Variants in PHKG2 observed in about 807,000 individuals in gnomAD.
PHKG2 encodes the protein phosphorylase kinase catalytic subunit gamma 2, also known as phosphorylase b kinase gamma catalytic chain, liver/testis isoform.
PHKG2 carries 28 observed loss-of-function variants against 44.5 expected under a neutral mutation model. The ratio of observed to expected loss-of-function variants is 0.63; its 90% CI spans 0.47 to 0.86. PHKG2 has a LOEUF of 0.86. PHKG2 is among the 40% of genes least tolerant of loss of function. The probability of loss-of-function intolerance (pLI) is 0.00; values close to 1 mark genes in which losing one functional copy is unlikely to be tolerated. For synonymous variants in PHKG2, 220 were observed against 211.2 expected, an observed-to-expected ratio of 1.04 and a Z score of -0.36; for missense variants, 498 against 547.5, an observed-to-expected ratio of 0.91 and a Z score of 0.90.
Position 30,759,185 on chromosome 16 carries a change from ACTCT to A in PHKG2, c.*2091_*2094del. 6.2e-7 allele frequency: 1 copy of A among 1,613,732 alleles called. No homozygotes were observed. The highest frequency in any genetic ancestry group is 8.5e-7 in the Non-Finnish European group (1 of 1,179,906). Reference sequence around the variant, plus strand: ...CCTGGCACTCTCCCTTACCCGTCTCACTCTCTGGCCACAGTTTGGGTGGCTGTAG... The same window carrying A: ...CCTGGCACTCTCCCTTACCCGTCTCACTGGCCACAGTTTGGGTGGCTGTAG... On this transcript the variant is annotated 3_prime_UTR_variant, in exon 10 of 10. Transcript: ENST00000563588.
rs2053378933 is a variant in PHKG2, at chr16:30,753,533, T to A, written c.532T>A (p.Leu178Met). The stretch of plus-strand genomic sequence containing the variant: ...TTCAGATTTCGGGTTCTCCTGCCAC[T>A]TGGAACCTGGCGAGAAGCTTCGAGG... Reference protein sequence around the residue: ...RLSDFGFSCHLEPGEKLRELC... With the variant: ...RLSDFGFSCHMEPGEKLRELC... Residue 178 changes from leucine to methionine, a missense_variant, in exon 6 of 10, where the codon TTG becomes ATG. By Grantham distance (15) the Leu-to-Met change is conservative (BLOSUM62 2). Coordinates refer to ENST00000563588, the MANE Select transcript of PHKG2 (RefSeq NM_000294.3). The A allele has an allele frequency of 6.2e-7, 1 of 1,614,022 alleles. No homozygotes were observed. The highest frequency in any genetic ancestry group is 1.3e-5 in the African/African-American group (1 of 74,910).
rs771202086 is a variant in PHKG2 at position 30,756,481 on chromosome 16, C to T, written c.762C>T (p.Ser254=). 5.6e-6 allele frequency: 9 copies of T among 1,613,296 alleles called. No individual in the cohort carries two copies. In the South Asian group the frequency reaches 7.7e-5, roughly 14 times the overall value. Residue 254 remains serine, a synonymous_variant, in exon 8 of 10, where the codon TCC becomes TCT. Coordinates refer to ENST00000563588, the MANE Select transcript of PHKG2 (RefSeq NM_000294.3). ...MIMEGQYQFS[S]PEWDDRSSTV... The stretch of plus-strand genomic sequence containing the variant: ...TGGAGGGCCAGTACCAGTTCAGTTC[C>T]CCCGAGTGGGATGACCGTTCCAGCA...
chr16:30,757,441 C>T lies in PHKG2; in HGVS notation c.*344C>T. On this transcript the variant is annotated 3_prime_UTR_variant, in exon 10 of 10. Coordinates refer to ENST00000563588, the MANE Select transcript of PHKG2 (RefSeq NM_000294.3). ...AGCAGGGTGCAGGGATGGTGCCATTCTGGCCCAGACCTTTATTGGGGAAAA... is the reference window on the plus strand; with the variant it reads ...AGCAGGGTGCAGGGATGGTGCCATTTTGGCCCAGACCTTTATTGGGGAAAA... The T allele has an allele frequency of 6.3e-7, 1 of 1,596,430 alleles. No homozygotes were observed. Among genetic ancestry groups the T allele is most frequent in the Non-Finnish European group, 8.6e-7 (1 of 1,169,462 alleles).
rs1038690531 is a variant in PHKG2 at position 30,757,689 on chromosome 16, G to A, written c.*592G>A. 1.9e-6 allele frequency: 3 copies of A among 1,578,172 alleles called. No homozygotes were observed. In the African/African-American group the frequency reaches 4.1e-5, roughly 21 times the overall value. ...CAGGGAAGAAGGGGCAGGGTGAGGAGAGATGCTGTCTGGCAATGGGGGGAT... is the reference window on the plus strand; with the variant it reads ...CAGGGAAGAAGGGGCAGGGTGAGGAAAGATGCTGTCTGGCAATGGGGGGAT... On this transcript the variant is annotated 3_prime_UTR_variant, in exon 10 of 10. Coordinates refer to ENST00000563588, the MANE Select transcript of PHKG2 (RefSeq NM_000294.3).
Position 30,757,687 on chromosome 16 carries a change from G to A in PHKG2, c.*590G>A, listed in dbSNP as rs886051916. The stretch of plus-strand genomic sequence containing the variant: ...GGCAGGGAAGAAGGGGCAGGGTGAG[G>A]AGAGATGCTGTCTGGCAATGGGGGG... On this transcript the variant is annotated 3_prime_UTR_variant, in exon 10 of 10. Coordinates refer to ENST00000563588, the MANE Select transcript of PHKG2 (RefSeq NM_000294.3). The A allele has an allele frequency of 6.3e-7, 1 of 1,578,520 alleles. No homozygotes were observed. The highest frequency in any genetic ancestry group is 2.3e-5 in the East Asian group (1 of 44,268).
rs1374979475 is a variant in PHKG2 at position 30,758,123 on chromosome 16, G to A, written c.*1026G>A. ...GTCTTGCTTTATCCCCCAGGCTGGAGTGCAGTGGCAGCGATCTCAGCTCAC... is the reference window on the plus strand; with the variant it reads ...GTCTTGCTTTATCCCCCAGGCTGGAATGCAGTGGCAGCGATCTCAGCTCAC... On this transcript the variant is annotated 3_prime_UTR_variant, in exon 10 of 10. Transcript: ENST00000563588. 5 of 150,506 alleles carry A rather than the reference G, an allele frequency of 3.3e-5. No individual in the cohort carries two copies. The highest frequency in any genetic ancestry group is 9.9e-5 in the African/African-American group (4 of 40,454). 9.3% of individuals were successfully genotyped at this position (150,506 alleles called of 1,614,324 possible).
At position 30,757,671 on chromosome 16, in the gene PHKG2, G is replaced by A. The variant is rs756537669; in HGVS notation, c.*574G>A. ...GGATGTGGCCTGCAGGGGCAGGGAA[G>A]AAGGGGCAGGGTGAGGAGAGATGCT... is the stretch of plus-strand genomic sequence containing the variant. On this transcript the variant is annotated 3_prime_UTR_variant, in exon 10 of 10. Coordinates refer to ENST00000563588, the MANE Select transcript of PHKG2 (RefSeq NM_000294.3). The A allele has an allele frequency of 3.1e-6, 5 of 1,603,758 alleles. No homozygotes were observed. Among genetic ancestry groups the A allele is most frequent in the African/African-American group, 1.3e-5 (1 of 74,768 alleles).
In PHKG2 at chr16:30,759,886, A is replaced by G. The variant is rs2053629722; in HGVS notation, c.*2789A>G. ...ATGTAACAAATACTGAATACCCACT[A>G]TATGCCCACTGTATGGTTTTCGGCA... On this transcript the variant is annotated 3_prime_UTR_variant, in exon 10 of 10. Transcript: ENST00000563588. 2.8e-6 allele frequency: 4 copies of G among 1,446,840 alleles called. No homozygotes were observed. The highest frequency in any genetic ancestry group is 1.4e-5 in the African/African-American group (1 of 69,918). 89.6% of individuals were successfully genotyped at this position (1,446,840 alleles called of 1,614,324 possible).
rs1466881589 is a variant in PHKG2 at position 30,753,481 on chromosome 16, C to T, written c.480C>T (p.Leu160=). The T allele has an allele frequency of 6.2e-7, 1 of 1,614,016 alleles. No homozygotes were observed. The highest frequency in any genetic ancestry group is 8.5e-7 in the Non-Finnish European group (1 of 1,180,022). ...GAGATCTGAAGCCCGAGAATATTCT[C>T]CTAGATGACAATATGCAGATCCGAC... ...VHRDLKPENI[L]LDDNMQIRLS... The change falls in exon 6 of 10, where the codon CTC becomes CTT. Residue 160 remains leucine, a synonymous_variant. Transcript: ENST00000563588.
chr16:30,751,085 G>A (rs750845556), intron 2 of PHKG2, 21 bp from the exon 3 acceptor site: 1 of 1,612,184 alleles, frequency 6.2e-7, no homozygotes, highest in Admixed American at 1.7e-5. Context: ...CCTGACTTGT[G>A]CTATTTTCCG....
rs770824963 is a variant in PHKG2, at chr16:30,759,672, AAG to A, written c.*2576_*2577del. 1.2e-6 allele frequency: 2 copies of A among 1,613,974 alleles called. No individual in the cohort carries two copies. Among genetic ancestry groups the A allele is most frequent in the Non-Finnish European group, 1.7e-6 (2 of 1,180,018 alleles). ...AACTGACCCTGACTCCATGGCAAAA[AAG>A]GACACTGGTGAAGTAGCGGTAGCAC... is the stretch of plus-strand genomic sequence containing the variant. On this transcript the variant is annotated 3_prime_UTR_variant, in exon 10 of 10. Coordinates refer to ENST00000563588, the MANE Select transcript of PHKG2 (RefSeq NM_000294.3).
chr16:30,748,617 C>T (rs984202563), intron 1 of PHKG2, 127 bp downstream of exon 1: 4 of 590,988 alleles, frequency 6.8e-6, no homozygotes, highest in Non-Finnish European at 1.2e-5. Context: ...CCCTCCCTGC[C>T]CTGCCATCCT....
chr16:30,752,451 C>T (rs1330853202), intron 4 of PHKG2: 1 of 151,832 alleles, frequency 6.6e-6, no homozygotes, highest in Non-Finnish European at 1.5e-5. Flanking sequence ...TCCTCACTCA[C>T]CAGCCTCTCG....
At position 30,760,102 on chromosome 16, in the gene PHKG2, G is replaced by A. The variant is rs763588019; in HGVS notation, c.*3005G>A. 3.2e-6 allele frequency: 5 copies of A among 1,539,690 alleles called. No homozygotes were observed. In the South Asian group the frequency reaches 4.7e-5, roughly 15 times the overall value. On this transcript the variant is annotated 3_prime_UTR_variant, in exon 10 of 10. Transcript: ENST00000563588. ...AGAACAGTCCTGTAAAATGTGTGCT[G>A]TATCCTTAATTTCTAGATAAGGAAG...
rs886051914 is a variant in PHKG2, at chr16:30,757,056, G to A, written c.1180G>A (p.Ala394Thr). The A allele has an allele frequency of 1.9e-6, 3 of 1,613,150 alleles. No individual in the cohort carries two copies. The highest frequency in any genetic ancestry group is 1.3e-5 in the African/African-American group (1 of 75,048). The change falls in exon 10 of 10, where the codon GCT becomes ACT. Residue 394 changes from alanine (A) to threonine (T), a missense_variant. Physicochemically the swap from Ala to Thr is moderately conservative, Grantham distance 58. Transcript: ENST00000563588. ...GGGCCCTGAAGAGGAGGGAGACTCT[G>A]CTGCTATAACTGAGGATGAGGCCGT... is the stretch of plus-strand genomic sequence containing the variant. ...IMGPEEEGDS[A>T]AITEDEAVLV...
intron 2 of PHKG2, among the ~76,000 whole-genome samples, chr16:30,749,243 C>CTGGTGCTGG (rs1159281386): frequency 3.6e-5 from 4 of 109,972 alleles, no homozygotes; most frequent in African/African-American, 7.7e-5. Context: ...GGTGGTGGTG[C>CTGGTGCTGG]TGGTGCTGGT....
rs1567263805 is a variant in PHKG2 at position 30,756,790 on chromosome 16, GC to G, written c.928-8del. On this transcript the variant is annotated splice_polypyrimidine_tract_variant and intron_variant, in intron 9 of 9. Transcript: ENST00000563588. ...TTTCCCCTGCACTAGAGCTCACCCT[GC>G]CCCCCTTCCCAGGTGGCAGTGTGGA... The G allele has an allele frequency of 1.9e-6, 3 of 1,614,078 alleles. No individual in the cohort carries two copies. Among genetic ancestry groups the G allele is most frequent in the Admixed American group, 1.7e-5 (1 of 60,024 alleles).
intron 3 of PHKG2, 80 bp downstream of exon 3, chr16:30,751,361 C>T (rs1163354957): frequency 6.8e-7 from 1 of 1,475,364 alleles, no homozygotes; most frequent in Non-Finnish European, 9.4e-7. Flanking sequence ...CTTCCGCCAA[C>T]ATTGCCTCCA....
intron 1 of PHKG2, 23 bp from the exon 2 acceptor site, chr16:30,748,780 C>T: frequency 6.8e-7 from 1 of 1,472,234 alleles, no homozygotes; most frequent in Non-Finnish European, 9.3e-7. Context: ...TCCCTGCCCT[C>T]ACTGCCCTCC....
Sources: allele counts gnomAD v4.1 joint callset (sites outside exome capture counted in the v4.1 genomes callset), GRCh38; gene constraint gnomAD v4.1.1; transcripts MANE v1.5; gene names NCBI Gene and HGNC (gene_info 2026-07-23, HGNC 2026-07-21).